The following SHPRH variants were observed in gnomAD, a reference collection of about 807,000 sequenced individuals.
The protein encoded by SHPRH is E3 ubiquitin-protein ligase SHPRH.
SHPRH carries 106 observed loss-of-function variants against 202.5 expected under a neutral mutation model. The observed-to-expected ratio is 0.52, with a 90% CI of 0.45 to 0.62. The LOEUF (loss-of-function observed/expected upper bound fraction) is 0.62. Among genes scored for constraint, SHPRH ranks in the 20% least tolerant of loss-of-function variants. The pLI is 0.00. For synonymous variants in SHPRH, 729 were observed against 686.0 expected (o/e 1.06, Z -0.98); for missense variants, 1,710 against 2,020.0 (o/e 0.85, Z 2.94).
At chr6:145,882,734 C>T (rs1280281597), downstream of SHPRH, among the ~76,000 whole-genome samples, 2 of 152,080 alleles carry the variant, frequency 1.3e-5, no homozygotes, top group East Asian at 1.9e-4. Flanking sequence ...AGGTGCCTTA[C>T]GGTTCTGGGT....
At chr6:145,927,577 G>A (rs1468603708) in intron 14 of SHPRH, among the ~76,000 whole-genome samples, 1 of 151,360 alleles carries the variant, frequency 6.6e-6, no homozygotes, top group Non-Finnish European at 1.5e-5. Flanking sequence ...TATGCTATTG[G>A]ATAAACTTTT....
At chr6:145,940,829 A>T in intron 10 of SHPRH, 28 bp from the exon 11 acceptor site, 2 of 1,611,128 alleles carry the variant, frequency 1.2e-6, no homozygotes. Context: ...TGAAATAAAA[A>T]TGAAATCCAG....
chr6:145,946,094 A>G (rs1208415991), intron 7 of SHPRH, 139 bp downstream of exon 7: 4 of 590,638 alleles, frequency 6.8e-6, no homozygotes, highest in Non-Finnish European at 1.1e-5. Context: ...TATGACTTGT[A>G]ATTGAATTCA....
chr6:145,858,926 G>A, the SHPRH span, among the ~76,000 whole-genome samples: 2 of 151,906 alleles, frequency 1.3e-5, no homozygotes, highest in East Asian at 1.9e-4. Context: ...ATGACTGGGC[G>A]GATAGAAATG....
chr6:145,959,861 CTTA>C (rs1788911751), intron 1 of SHPRH, among the ~76,000 whole-genome samples: 1 of 152,188 alleles, frequency 6.6e-6, no homozygotes, highest in Non-Finnish European at 1.5e-5. Flanking sequence ...CTTATCCTCT[CTTA>C]TCTTAGTGGA....
intron 27 of SHPRH, 77 bp downstream of exon 27, chr6:145,894,073 T>A: frequency 9.8e-7 from 1 of 1,021,874 alleles, no homozygotes; most frequent in Non-Finnish European, 1.4e-6. Flanking sequence ...AGACAATAAA[T>A]GTAAGTAAGC....
chr6:145,936,560 C>G (rs943235144), intron 11 of SHPRH, among the ~76,000 whole-genome samples: 1 of 152,078 alleles, frequency 6.6e-6, no homozygotes, highest in Admixed American at 6.5e-5. Context: ...CTCCTGGGCT[C>G]AAGTGATCCT....
intron 21 of SHPRH, 93 bp from the exon 22 acceptor site, chr6:145,919,584 G>A: frequency 2.8e-6 from 4 of 1,433,418 alleles, no homozygotes; most frequent in Non-Finnish European, 3.8e-6. Context: ...AGTCTTCAAT[G>A]AGATCTTACA....
chr6:145,917,913 C>T (rs886856303), intron 23 of SHPRH: 4 of 369,580 alleles, frequency 1.1e-5, no homozygotes, highest in Admixed American at 4.5e-5. Flanking sequence ...TCTCTACTAT[C>T]GAGTGCATGC....
In SHPRH at chr6:145,922,666, T is replaced by C. The variant is rs781750280; in HGVS notation, c.3716A>G (p.Asn1239Ser). Reference sequence around the variant, plus strand: ...TATGATTTCTTCTATTACCTACCAGTTGAGAGGAAGTCTGGCTGGTCGGAG... The same window carrying C: ...TATGATTTCTTCTATTACCTACCAGCTGAGAGGAAGTCTGGCTGGTCGGAG... ...CHLRPARLPL[N>S]CCVFCKADEL... The change falls in exon 19 of 30, where the codon AAC (asparagine) becomes AGC (serine). Residue 1239 changes from asparagine to serine, a missense_variant. This residue lies in a region of SHPRH where 288 missense variants were observed against 317.8 expected (regional missense o/e 0.91). Coordinates refer to ENST00000275233, the MANE Select transcript of SHPRH (RefSeq NM_001042683.3). The C allele has an allele frequency of 3.1e-6, 5 of 1,601,758 alleles. No homozygotes were observed. The highest frequency in any genetic ancestry group is 3.4e-6 in the Non-Finnish European group (4 of 1,175,372).
In SHPRH at chr6:145,913,542, T is replaced by A. The variant is rs374718438; in HGVS notation, c.4262A>T (p.Asp1421Val). 2 of 1,606,878 alleles carry A rather than the reference T, an allele frequency of 1.2e-6. No individual in the cohort carries two copies. The highest frequency in any genetic ancestry group is 1.7e-6 in the Non-Finnish European group (2 of 1,177,318). ...TGGATTAACACCTCCCGATGTTTTA[T>A]CTTGAGACTATCCAAAAAAGAATTA... Reference protein sequence around the residue: ...LYLTNLEKSQDKTSGGVNPEP... With the variant: ...LYLTNLEKSQVKTSGGVNPEP... Residue 1421 changes from aspartate (D) to valine (V), a missense_variant, in exon 24 of 30, where the codon GAT becomes GTT. Physicochemically the swap from Asp to Val is radical, Grantham distance 152 (BLOSUM62 -3). Coordinates refer to ENST00000275233, the MANE Select transcript of SHPRH (RefSeq NM_001042683.3).
intron 25 of SHPRH, chr6:145,906,799 G>C (rs917741853): frequency 1.3e-5 from 2 of 152,008 alleles, no homozygotes; most frequent in Non-Finnish European, 2.9e-5. Flanking sequence ...CTCTACATTT[G>C]TATTAAAAGA....
chr6:145,934,674 A>T (rs2128767441), intron 13 of SHPRH, among the ~76,000 whole-genome samples: 1 of 151,560 alleles, frequency 6.6e-6, no homozygotes, highest in South Asian at 2.1e-4. Flanking sequence ...AAACAAAAAA[A>T]AACAAACAAC....
intron 13 of SHPRH, among the ~76,000 whole-genome samples, chr6:145,933,630 C>G (rs1046191785): frequency 2.0e-5 from 3 of 152,144 alleles, no homozygotes; most frequent in Non-Finnish European, 4.4e-5. Context: ...AAATTGTTTT[C>G]GGACTCTAAC....
In SHPRH at chr6:145,943,588, T is replaced by C. The variant is rs781260602; in HGVS notation, c.1793A>G (p.Gln598Arg). ...GTCGCTAGTAGCTGGACAGTGACCT[T>C]GTGAATCGGGATTGATAAATGGTTG... ...KSQPFINPDS[Q>R]GHCPATSDSG... Residue 598 changes from glutamine (Q) to arginine (R), a missense_variant, in exon 9 of 30, where the codon CAA (glutamine) becomes CGA (arginine). This residue lies in a region of SHPRH where 348 missense variants were observed against 356.9 expected (regional missense o/e 0.97). Transcript: ENST00000275233. 8.1e-6 allele frequency: 13 copies of C among 1,613,826 alleles called. No homozygotes were observed. Among genetic ancestry groups the C allele is most frequent in the Non-Finnish European group, 1.0e-5 (12 of 1,179,916 alleles).
chr6:145,947,660 G>A lies in SHPRH; in HGVS notation c.1062-17C>T. The A allele has an allele frequency of 6.2e-7, 1 of 1,609,678 alleles. No individual in the cohort carries two copies. Among genetic ancestry groups the A allele is most frequent in the African/African-American group, 1.3e-5 (1 of 74,676 alleles). On this transcript the variant is annotated splice_polypyrimidine_tract_variant and intron_variant, in intron 5 of 29. Coordinates refer to ENST00000275233, the MANE Select transcript of SHPRH (RefSeq NM_001042683.3). ...CGAATGATGCTGAGGAAAAAAACAA[G>A]ATAAATCACATCATAGGAATGTGAA...
intron 13 of SHPRH, among the ~76,000 whole-genome samples, chr6:145,933,772 C>T (rs1180408612): frequency 1.3e-5 from 2 of 152,202 alleles, no homozygotes; most frequent in Non-Finnish European, 2.9e-5. Context: ...ACTGAATCCT[C>T]TTTCTATCTC....
rs1220756641 is a variant in SHPRH at position 145,941,791 on chromosome 6, T to C, written c.2322A>G (p.Val774=). ...EQDIVIITYD[V]LRSELNYVDI... is the part of the protein sequence containing the mutation. ...CGACATAATTTAATTCTGAACGCAG[T>C]ACATCATAGGTAATGATAACTATAT... is the stretch of plus-strand genomic sequence containing the variant. The change falls in exon 10 of 30, where the codon GTA becomes GTG. Residue 774 remains valine (V), a synonymous_variant. Coordinates refer to ENST00000275233, the MANE Select transcript of SHPRH (RefSeq NM_001042683.3). 1 of 1,613,908 alleles carries C rather than the reference T, an allele frequency of 6.2e-7. No homozygotes were observed. The highest frequency in any genetic ancestry group is 8.5e-7 in the Non-Finnish European group (1 of 1,179,972).
At chr6:145,952,042 C>A in intron 3 of SHPRH, 1 of 385,892 alleles carries the variant, frequency 2.6e-6, no homozygotes. Context: ...TGGCCCATGA[C>A]AAAATAAAAG....
Sources: allele counts gnomAD v4.1 joint callset (sites outside exome capture counted in the v4.1 genomes callset), GRCh38; gene constraint gnomAD v4.1.1; regional missense constraint gnomAD v4.1.1; transcripts MANE v1.5; gene names NCBI Gene and HGNC (gene_info 2026-07-23, HGNC 2026-07-21).